Variants in DAB1 observed in about 807,000 individuals in gnomAD.
DAB1 encodes disabled homolog 1.
DAB1 carries 15 observed loss-of-function variants against 64.6 expected under a neutral mutation model. The observed-to-expected ratio is 0.23, with a 90% CI of 0.16 to 0.36. The LOEUF (loss-of-function observed/expected upper bound fraction) is 0.36. DAB1 is among the 10% of genes least tolerant of loss of function. The probability of loss-of-function intolerance (pLI) is 1.00; values close to 1 mark genes in which losing one functional copy is unlikely to be tolerated. For missense variants in DAB1, 596 were observed against 706.7 expected, an observed-to-expected ratio of 0.84 and a Z score of 1.78; for synonymous variants, 235 against 251.9, an observed-to-expected ratio of 0.93 and a Z score of 0.64.
intron 5 of DAB1, among the ~76,000 whole-genome samples, chr1:58,131,601 G>A (rs1653579356): frequency 7.5e-6 from 1 of 133,630 alleles, no homozygotes; most frequent in Non-Finnish European, 1.5e-5. Flanking sequence ...ATCTACTTTT[G>A]GTCTTTGATG....
intron 6 of DAB1, among the ~76,000 whole-genome samples, chr1:57,720,396 C>T (rs919815539): frequency 1.2e-4 from 18 of 152,174 alleles, no homozygotes; most frequent in African/African-American, 4.3e-4. Context: ...TGTCTTATTG[C>T]CTTCAGTACC....
At chr1:58,225,040 G>A (rs1369961717) in intron 4 of DAB1, among the ~76,000 whole-genome samples, 4 of 151,696 alleles carry the variant, frequency 2.6e-5, no homozygotes, top group African/African-American at 7.3e-5. Flanking sequence ...CAGAATGGGA[G>A]AAAATTTTTG....
intron 9 of DAB1, among the ~76,000 whole-genome samples, chr1:57,048,161 C>T (rs956469346): frequency 3.9e-5 from 6 of 152,118 alleles, no homozygotes; most frequent in South Asian, 2.1e-4. Flanking sequence ...AAGGTCCCAC[C>T]GCTGGTAAGT....
At chr1:57,126,156 A>G (rs1657109508) in intron 4 of DAB1, among the ~76,000 whole-genome samples, 1 of 151,436 alleles carries the variant, frequency 6.6e-6, no homozygotes, top group African/African-American at 2.5e-5. Flanking sequence ...TTTTAAAGAA[A>G]AACAGTGAAA....
intron 2 of DAB1, among the ~76,000 whole-genome samples, chr1:57,229,947 G>A (rs115421941): frequency 6.6e-6 from 1 of 152,152 alleles, no homozygotes; most frequent in Non-Finnish European, 1.5e-5. Flanking sequence ...GCAAGATACT[G>A]GCTACTGTTG....
intron 5 of DAB1, among the ~76,000 whole-genome samples, chr1:58,017,263 A>G (rs1646754304): frequency 6.6e-6 from 1 of 152,006 alleles, no homozygotes; most frequent in African/African-American, 2.4e-5. Context: ...TCATCAGCAC[A>G]AGGGCTATGC....
chr1:57,183,704 G>C (rs989686372), intron 2 of DAB1, among the ~76,000 whole-genome samples: 1 of 152,128 alleles, frequency 6.6e-6, no homozygotes, highest in Admixed American at 6.5e-5. Context: ...TATGCACCAA[G>C]CACTCCACTA....
chr1:57,349,003 C>T (rs1178786904), intron 1 of DAB1, among the ~76,000 whole-genome samples: 3 of 152,276 alleles, frequency 2.0e-5, no homozygotes, highest in South Asian at 2.1e-4. Flanking sequence ...AGCCCATTTC[C>T]TTCCCAACTG....
At chr1:58,317,642 A>C (rs1662588273) in intron 4 of DAB1, among the ~76,000 whole-genome samples, 1 of 152,172 alleles carries the variant, frequency 6.6e-6, no homozygotes, top group African/African-American at 2.4e-5. Flanking sequence ...CAGTGATCTG[A>C]ACTAGCTTGG....
intron 4 of DAB1, among the ~76,000 whole-genome samples, chr1:58,191,234 C>T (rs1657372662): frequency 6.6e-6 from 1 of 152,156 alleles, no homozygotes; most frequent in Non-Finnish European, 1.5e-5. Context: ...CTTACTATGA[C>T]TATAAACACA....
intron 1 of DAB1, among the ~76,000 whole-genome samples, chr1:57,363,550 T>C (rs1311408614): frequency 6.6e-6 from 1 of 152,218 alleles, no homozygotes; most frequent in East Asian, 1.9e-4. Flanking sequence ...TCTCACCTCA[T>C]AGTGTTTTTG....
intron 3 of DAB1, among the ~76,000 whole-genome samples, chr1:58,404,920 A>T (rs1181918015): frequency 3.3e-5 from 5 of 152,074 alleles, no homozygotes; most frequent in Non-Finnish European, 5.9e-5. Context: ...AAGACCTTTC[A>T]GCCCACAGTA....
At chr1:57,645,887 G>A (rs1004950550) in intron 7 of DAB1, among the ~76,000 whole-genome samples, 23 of 152,214 alleles carry the variant, frequency 1.5e-4, no homozygotes, top group Admixed American at 7.2e-4. Context: ...TTACACTTGG[G>A]GCCTGGATAT....
At chr1:58,267,474 C>T (rs1037116145) in intron 4 of DAB1, among the ~76,000 whole-genome samples, 1 of 152,072 alleles carries the variant, frequency 6.6e-6, no homozygotes, top group Admixed American at 6.6e-5. Context: ...AGTTCACGAC[C>T]AATGGAAGAC....
chr1:58,184,866 C>CA (rs1284181086), intron 4 of DAB1, among the ~76,000 whole-genome samples: 1 of 152,144 alleles, frequency 6.6e-6, no homozygotes, highest in East Asian at 1.9e-4. Context: ...CTGAAGGATA[C>CA]ATTGGTTGAG....
chr1:57,149,710 T>TGAACCATAG, intron 2 of DAB1, among the ~76,000 whole-genome samples: 1 of 152,194 alleles, frequency 6.6e-6, no homozygotes, highest in African/African-American at 2.4e-5. Context: ...GTCTTAACCA[T>TGAACCATAG]GAACCATAGG....
intron 5 of DAB1, among the ~76,000 whole-genome samples, chr1:58,031,206 T>A (rs1031085554): frequency 1.3e-5 from 2 of 152,078 alleles, no homozygotes; most frequent in African/African-American, 4.8e-5. Context: ...ATGCTTCAAT[T>A]TGGCCAGAGC....
intron 7 of DAB1, among the ~76,000 whole-genome samples, chr1:57,514,921 T>G (rs1411891448): frequency 6.6e-6 from 1 of 152,202 alleles, no homozygotes. Context: ...TACAAGGTAT[T>G]TAAAACAATG....
At chr1:57,592,842 T>C (rs571614695) in intron 7 of DAB1, among the ~76,000 whole-genome samples, 10 of 152,278 alleles carry the variant, frequency 6.6e-5, no homozygotes, top group Non-Finnish European at 1.5e-4. Context: ...ACCTTCTCGC[T>C]GTGTCCTCAC....
Sources: gnomAD v4.1 joint callset for allele counts (sites outside exome capture counted in the v4.1 genomes callset) on GRCh38, gnomAD v4.1.1 for gene constraint, MANE v1.5 for transcripts, NCBI Gene and HGNC (gene_info 2026-07-23, HGNC 2026-07-21) for gene names.